Variants in SLC25A21 observed in about 807,000 individuals in gnomAD.
SLC25A21 encodes the protein mitochondrial 2-oxodicarboxylate carrier.
Under a neutral mutation model 43.8 loss-of-function variants are expected in SLC25A21, and 47 were observed. That is an observed-to-expected ratio of 1.07 (90% confidence interval 0.85 to 1.37). SLC25A21 has a LOEUF of 1.37. SLC25A21 is among the 40% of genes most tolerant of loss of function. The pLI is 0.00. For synonymous variants in SLC25A21, 131 were observed against 121.3 expected, an observed-to-expected ratio of 1.08 and a Z score of -0.52; for missense variants, 352 against 350.2, an observed-to-expected ratio of 1.00 and a Z score of -0.04.
At chr14:36,779,609 CATATATAT>C (rs35392668) in intron 3 of SLC25A21, among the ~76,000 whole-genome samples, 24,128 of 122,310 alleles carry the variant, frequency 0.2, 2,522 homozygotes, top group East Asian at 0.37. Flanking sequence ...TATGTGTATA[CATATATAT>C]ATATATATAT....
At chr14:36,914,952 G>A (rs1439554649) in intron 1 of SLC25A21, among the ~76,000 whole-genome samples, 1 of 152,006 alleles carries the variant, frequency 6.6e-6, no homozygotes, top group Non-Finnish European at 1.5e-5. Context: ...AATAAATAAA[G>A]GAGGTAGGTA....
chr14:37,098,802 TAGA>T (rs1289852483), intron 1 of SLC25A21, among the ~76,000 whole-genome samples: 1,036 of 63,410 alleles, frequency 0.016, 68 homozygotes, highest in Admixed American at 0.16. Context: ...GATAGATAGA[TAGA>T]TTTTTTTTTT....
intron 2 of SLC25A21, among the ~76,000 whole-genome samples, chr14:36,834,029 T>C (rs1889122698): frequency 6.6e-6 from 1 of 152,234 alleles, no homozygotes; most frequent in South Asian, 2.1e-4. Context: ...TCCCCTACCT[T>C]TGGACCTTTT....
At chr14:37,086,391 G>T (rs1427775150) in intron 1 of SLC25A21, among the ~76,000 whole-genome samples, 1 of 152,058 alleles carries the variant, frequency 6.6e-6, no homozygotes, top group East Asian at 1.9e-4. Flanking sequence ...TAAGGTAAAA[G>T]GATATTACTA....
At chr14:37,032,600 G>C (rs1020051286) in intron 1 of SLC25A21, among the ~76,000 whole-genome samples, 13 of 146,312 alleles carry the variant, frequency 8.9e-5, no homozygotes. Context: ...GAACCCGGGA[G>C]GTGGAGGTTG....
chr14:37,009,976 A>C (rs1224074690), intron 1 of SLC25A21, among the ~76,000 whole-genome samples: 1 of 152,232 alleles, frequency 6.6e-6, no homozygotes, highest in Non-Finnish European at 1.5e-5. Context: ...GGCATATGCA[A>C]GTGTGTGAAC....
chr14:36,708,152 C>T (rs987249064), intron 7 of SLC25A21, among the ~76,000 whole-genome samples: 1 of 152,184 alleles, frequency 6.6e-6, no homozygotes, highest in Admixed American at 6.5e-5. Context: ...AAACTCCCTA[C>T]TGTAGGATAC....
chr14:37,058,933 C>T (rs1176201749), intron 1 of SLC25A21, among the ~76,000 whole-genome samples: 1 of 152,202 alleles, frequency 6.6e-6, no homozygotes, highest in East Asian at 1.9e-4. Flanking sequence ...CTGCCTCAAA[C>T]TCCTCCCTTA....
intron 3 of SLC25A21, among the ~76,000 whole-genome samples, chr14:36,792,281 G>A (rs1174280874): frequency 6.6e-6 from 1 of 152,078 alleles, no homozygotes; most frequent in Non-Finnish European, 1.5e-5. Flanking sequence ...GTGTATTTGA[G>A]GTCTGCTATC....
chr14:36,768,156 C>T (rs1472096995), intron 3 of SLC25A21, among the ~76,000 whole-genome samples: 18 of 152,180 alleles, frequency 1.2e-4, no homozygotes, highest in Non-Finnish European at 1.2e-4. Flanking sequence ...GGCTTCAGTA[C>T]ACTTGGGCTT....
intron 3 of SLC25A21, among the ~76,000 whole-genome samples, chr14:36,794,465 G>A (rs567221159): frequency 1.3e-5 from 2 of 151,972 alleles, no homozygotes; most frequent in Non-Finnish European, 2.9e-5. Context: ...GCTTATTGAT[G>A]ATATATATAT....
At chr14:36,847,441 T>C (rs775714635) in intron 2 of SLC25A21, among the ~76,000 whole-genome samples, 1 of 152,230 alleles carries the variant, frequency 6.6e-6, no homozygotes, top group Non-Finnish European at 1.5e-5. Context: ...AAAATGAATA[T>C]GTCATAGTTC....
chr14:37,007,663 C>T (rs931206294), intron 1 of SLC25A21, among the ~76,000 whole-genome samples: 1 of 150,242 alleles, frequency 6.7e-6, no homozygotes, highest in Non-Finnish European at 1.5e-5. Context: ...GCCACTTTCT[C>T]AAGAAATCTA....
At chr14:36,939,441 A>G (rs1892503953) in intron 1 of SLC25A21, among the ~76,000 whole-genome samples, 1 of 152,044 alleles carries the variant, frequency 6.6e-6, no homozygotes, top group Admixed American at 6.6e-5. Context: ...TTAAATGGCC[A>G]TGTCAAATAA....
chr14:36,900,865 TA>T (rs1469087957), intron 1 of SLC25A21, among the ~76,000 whole-genome samples: 1 of 152,166 alleles, frequency 6.6e-6, no homozygotes, highest in Admixed American at 6.5e-5. Flanking sequence ...TTTTGATTAT[TA>T]AAACTGTGAA....
chr14:36,704,357 T>A (rs1883406259), intron 7 of SLC25A21, among the ~76,000 whole-genome samples: 1 of 152,056 alleles, frequency 6.6e-6, no homozygotes, highest in Non-Finnish European at 1.5e-5. Context: ...ATAATTTATG[T>A]GTGACAAAAT....
At position 37,085,252 on chromosome 14, in the gene SLC25A21, A is replaced by G. The variant is rs145666849; in HGVS notation, c.70+87029T>C. 2.3e-3 allele frequency among the ~76,000 whole-genome samples: 352 copies of G among 152,268 alleles called. 3 individuals carry two copies. The highest frequency in any genetic ancestry group is 8.4e-3 in the African/African-American group (347 of 41,550). ...CAACACGCCACGCTCGTTGGATGAC[A>G]TCAGTTTTTGCCCCATTCCCCAGCC... On this transcript the variant is annotated intron_variant, in intron 1 of 9. Transcript: ENST00000331299.
chr14:36,911,387 C>G (rs571020871), intron 1 of SLC25A21, among the ~76,000 whole-genome samples: 1 of 152,156 alleles, frequency 6.6e-6, no homozygotes, highest in Non-Finnish European at 1.5e-5. Context: ...GGGCAGCGTT[C>G]GGATCCCATC....
intron 1 of SLC25A21, among the ~76,000 whole-genome samples, chr14:37,095,842 AC>A (rs60850278): frequency 4.0e-3 from 38 of 9,508 alleles, no homozygotes; most frequent in African/African-American, 5.0e-3. Context: ...ACACACACAC[AC>A]AAAAAACACC....
Sources: allele counts gnomAD v4.1 joint callset (sites outside exome capture counted in the v4.1 genomes callset), GRCh38; gene constraint gnomAD v4.1.1; transcripts MANE v1.5; gene names NCBI Gene and HGNC (gene_info 2026-07-23, HGNC 2026-07-21).